The following DMD variants were observed in gnomAD, a reference collection of about 807,000 sequenced individuals.
DMD encodes dystrophin, also known as mutant dystrophin.
Under a neutral mutation model 330.1 loss-of-function variants are expected in DMD, and 63 were observed. That is an observed-to-expected ratio of 0.19 (90% CI 0.16 to 0.24). The LOEUF (loss-of-function observed/expected upper bound fraction) is 0.24. Ranked by LOEUF, DMD falls within the 10% of genes least tolerant of loss-of-function variation. The pLI is 1.00. For synonymous variants in DMD, 1,223 were observed against 959.8 expected, an observed-to-expected ratio of 1.27 and a Z score of -5.07; for missense variants, 3,344 against 2,684.1, an observed-to-expected ratio of 1.25 and a Z score of -5.43.
intron 56 of DMD, among the ~76,000 whole-genome samples, chrX:31,500,604 G>C (rs1472354494): frequency 8.9e-6 from 1 of 112,136 alleles, no homozygotes; most frequent in Non-Finnish European, 1.9e-5. Context: ...GTATATACCA[G>C]ATATTTTGAA....
At chrX:33,181,916 A>G (rs1157731240) in intron 1 of DMD, among the ~76,000 whole-genome samples, 1 of 112,146 alleles carries the variant, frequency 8.9e-6, no homozygotes, top group Non-Finnish European at 1.9e-5. Context: ...ATTGCCTGTT[A>G]TTTCTGGTCA....
rs747346609 is a variant in DMD, at chrX:32,896,712, A to T, written c.94-46892T>A. Among the ~76,000 whole-genome samples the T allele has an allele frequency of 1.2e-4, 14 of 112,816 alleles. No homozygotes were observed. The East Asian group carries it at 3.9e-3, about 32-fold the overall frequency. ...GTTACCCAAGTTAAAATTTGGAGCA[A>T]CTAAACATGTCTCATTTTACAATGA... On this transcript the variant is annotated intron_variant, in intron 2 of 78. Coordinates refer to ENST00000357033, the MANE Select transcript of DMD (RefSeq NM_004006.3).
intron 67 of DMD, among the ~76,000 whole-genome samples, chrX:31,195,358 T>C (rs1334876192): frequency 8.9e-6 from 1 of 111,857 alleles, no homozygotes; most frequent in Non-Finnish European, 1.9e-5. Context: ...TTTAAATCTA[T>C]GCAAATCCCT....
intron 44 of DMD, among the ~76,000 whole-genome samples, chrX:32,138,170 C>T (rs1569546382): frequency 9.0e-6 from 1 of 110,724 alleles, no homozygotes; most frequent in African/African-American, 3.3e-5. Context: ...TCACATACAT[C>T]ATCTGGAATC....
intron 44 of DMD, among the ~76,000 whole-genome samples, chrX:32,023,691 G>A (rs986438720): frequency 1.8e-5 from 2 of 111,290 alleles, no homozygotes; most frequent in Non-Finnish European, 3.8e-5. Context: ...ATCAACCTAG[G>A]TGCCCATTAA....
At chrX:32,008,859 A>T (rs748818307) in intron 44 of DMD, among the ~76,000 whole-genome samples, 12 of 111,101 alleles carry the variant, frequency 1.1e-4, no homozygotes, top group Admixed American at 2.9e-4. Context: ...ATGGAACCTG[A>T]GGGTCCTCCT....
chrX:31,953,277 T>G (rs995895281), intron 45 of DMD, among the ~76,000 whole-genome samples: 3 of 112,138 alleles, frequency 2.7e-5, no homozygotes, highest in African/African-American at 3.2e-5. Context: ...CTATTCTGCC[T>G]TTTTGTTTGC....
At chrX:32,880,322 CAACT>C (rs2083807265) in intron 2 of DMD, among the ~76,000 whole-genome samples, 2 of 107,318 alleles carry the variant, frequency 1.9e-5, no homozygotes, top group African/African-American at 3.4e-5. Context: ...GTCTTCTTAG[CAACT>C]AACTGATTGT....
At chrX:31,938,052 T>G (rs2094945974) in intron 45 of DMD, among the ~76,000 whole-genome samples, 1 of 111,191 alleles carries the variant, frequency 9.0e-6, no homozygotes, top group South Asian at 3.7e-4. Context: ...GCGCTACTCA[T>G]GTGTTGCTAA....
intron 74 of DMD, among the ~76,000 whole-genome samples, chrX:31,165,194 A>T (rs2039286932): frequency 8.9e-6 from 1 of 112,384 alleles, no homozygotes; most frequent in East Asian, 2.8e-4. Context: ...TGGTATCAGT[A>T]ACTGATCTAG....
chrX:32,047,232 G>A (rs1401280419), intron 44 of DMD, among the ~76,000 whole-genome samples: 2 of 110,924 alleles, frequency 1.8e-5, no homozygotes, highest in African/African-American at 6.5e-5. Flanking sequence ...TAATATCTAT[G>A]GTTCATTGAA....
rs548846514 is a variant in DMD, at chrX:31,648,617, C to CAAAAAAAAAAA, written c.8027+9362_8027+9372dup. On this transcript the variant is annotated intron_variant, in intron 54 of 78. Transcript: ENST00000357033. Reference sequence around the variant, plus strand: ...TTCCCTACGGGGTGAAAGGGAGCTGCAAAAAAAAAAAAAAAAAAAAAAAAA... The same window carrying CAAAAAAAAAAA: ...TTCCCTACGGGGTGAAAGGGAGCTGCAAAAAAAAAAAAAAAAAAAAAAAAAAAAAAAAAAAA... Among the ~76,000 whole-genome samples the CAAAAAAAAAAA allele has an allele frequency of 5.3e-4, 10 of 18,993 alleles. 1 individual carries two copies. The highest frequency in any genetic ancestry group is 5.2e-3 in the East Asian group (2 of 388). The allele number at this position is 18,993 out of a possible 115,157, so 16.5% of individuals were successfully genotyped here.
At chrX:33,071,396 G>T (rs1342698913) in intron 1 of DMD, among the ~76,000 whole-genome samples, 1 of 102,384 alleles carries the variant, frequency 9.8e-6, no homozygotes, top group Non-Finnish European at 2.0e-5. Context: ...TCCAGCCTGG[G>T]CAACAGAGTG....
chrX:31,259,578 A>C (rs2050306619), intron 63 of DMD, among the ~76,000 whole-genome samples: 1 of 112,236 alleles, frequency 8.9e-6, no homozygotes, highest in Non-Finnish European at 1.9e-5. Flanking sequence ...AACCAGACTG[A>C]AATGACATAA....
intron 71 of DMD, among the ~76,000 whole-genome samples, chrX:31,175,668 C>A (rs1239513098): frequency 9.0e-6 from 1 of 110,839 alleles, no homozygotes; most frequent in African/African-American, 3.3e-5. Context: ...GGTAATAATA[C>A]TGTTCCCCGC....
At chrX:31,629,735 G>A (rs1465125268) in intron 54 of DMD, among the ~76,000 whole-genome samples, 1 of 111,488 alleles carries the variant, frequency 9.0e-6, no homozygotes. Flanking sequence ...GAATCTCAAT[G>A]CTACAATTGG....
intron 42 of DMD, among the ~76,000 whole-genome samples, chrX:32,292,299 A>ATTATTTTTTTTTTTTT (rs1355530949): frequency 3.2e-5 from 1 of 30,867 alleles, no homozygotes; most frequent in Non-Finnish European, 5.1e-5. Context: ...CAAAGGGAAT[A>ATTATTTTTTTTTTTTT]TTCTTTTTTT....
intron 1 of DMD, among the ~76,000 whole-genome samples, chrX:33,219,319 T>TGTGTGTGG (rs2052120473): frequency 1.3e-5 from 1 of 77,270 alleles, no homozygotes; most frequent in Non-Finnish European, 2.2e-5. Flanking sequence ...TGTGTGTGTG[T>TGTGTGTGG]GTGTGTGTGT....
chrX:32,129,902 T>C (rs2096682099), intron 44 of DMD, among the ~76,000 whole-genome samples: 1 of 110,802 alleles, frequency 9.0e-6, no homozygotes, highest in Admixed American at 9.6e-5. Flanking sequence ...ACACAATACT[T>C]TTTATTTCCA....
Sources: allele counts gnomAD v4.1 joint callset (sites outside exome capture counted in the v4.1 genomes callset), GRCh38; gene constraint gnomAD v4.1.1; transcripts MANE v1.5; gene names NCBI Gene and HGNC (gene_info 2026-07-23, HGNC 2026-07-21).